SYN1: variants seen among roughly 807,000 people sequenced by gnomAD.
The protein encoded by SYN1 is synapsin-1.
In SYN1, 8 loss-of-function variants were observed where a neutral mutation model predicts 44.6. The ratio of observed to expected loss-of-function variants is 0.18; its 90% CI spans 0.11 to 0.32. The LOEUF is 0.32. Ranked by LOEUF, SYN1 falls within the 10% of genes least tolerant of loss-of-function variation. The pLI is 1.00. For synonymous variants in SYN1, 275 were observed against 280.1 expected, an observed-to-expected ratio of 0.98 and a Z score of 0.18; for missense variants, 451 against 639.4, an observed-to-expected ratio of 0.71 and a Z score of 3.18.
chrX:47,603,906 A>T lies in SYN1; in HGVS notation c.774+1072T>A, dbSNP rs1034567355. 4.6e-3 allele frequency among the ~76,000 whole-genome samples: 437 copies of T among 94,774 alleles called. 2 individuals carry two copies. Among genetic ancestry groups the T allele is most frequent in the Admixed American group, 6.5e-3 (53 of 8,146 alleles). The allele number at this position is 94,774 out of a possible 115,157, so 82.3% of individuals were successfully genotyped here. On this transcript the variant is annotated intron_variant, in intron 5 of 12. Transcript: ENST00000295987. The stretch of plus-strand genomic sequence containing the variant: ...TATTAGTGATTATATATATATATAT[A>T]TTTTTTTTTTTTTTTTTTGAGATGG...
chrX:47,588,980 C>A (rs1287512500), intron 5 of SYN1, among the ~76,000 whole-genome samples: 1 of 111,090 alleles, frequency 9.0e-6, no homozygotes, highest in African/African-American at 3.3e-5. Flanking sequence ...GGTGTCTTTG[C>A]CCCTTGGATA....
chrX:47,599,647 C>T (rs1421181418), intron 5 of SYN1, among the ~76,000 whole-genome samples: 1 of 112,319 alleles, frequency 8.9e-6, no homozygotes, highest in Non-Finnish European at 1.9e-5. Context: ...AGAATGATGT[C>T]TTTTGTTTCC....
chrX:47,607,727 GA>G (rs5902397), intron 1 of SYN1, among the ~76,000 whole-genome samples: 83 of 51,724 alleles, frequency 1.6e-3, no homozygotes, highest in East Asian at 7.8e-3. Flanking sequence ...AAAAAAAATT[GA>G]AAAAAAAAAA....
Position 47,574,485 on chromosome X carries a change from G to T in SYN1, c.1499C>A (p.Ala500Asp). The T allele has an allele frequency of 9.3e-7, 1 of 1,076,013 alleles. No homozygotes were observed. The highest frequency in any genetic ancestry group is 3.1e-4 in the Middle Eastern group (1 of 3,226). 88.7% of individuals were successfully genotyped at this position (1,076,013 alleles called of 1,213,427 possible). The change falls in exon 12 of 13, where the codon GCT becomes GAT. Residue 500 changes from alanine (A) to aspartate (D), a missense_variant. Around this residue, in one of 3 missense-constraint regions of SYN1, gnomAD observed 315 missense variants for 451.4 expected, o/e 0.70. Coordinates refer to ENST00000295987, the MANE Select transcript of SYN1 (RefSeq NM_006950.3). ...QQHLSGLGPP[A>D]GSPLPQRLPS... ...AAGGCGCTGGGGCAGGGGGCTGCCA[G>T]CTGGGGGTCCAAGGCCTGAAAGGTG...
At position 47,574,342 on chromosome X, in the gene SYN1, G is replaced by A; in HGVS notation, c.1642C>T (p.Pro548Ser). The A allele has an allele frequency of 9.5e-7, 1 of 1,047,296 alleles. No individual in the cohort carries two copies. Among genetic ancestry groups the A allele is most frequent in the Non-Finnish European group, 1.2e-6 (1 of 821,133 alleles). The allele number at this position is 1,047,296 out of a possible 1,213,427, so 86.3% of individuals were successfully genotyped here. A position where few individuals can be genotyped will look rare whatever the true frequency, so the allele number is the denominator to read the frequency against. ...CGCTGGGGAGACGGAGAGGCGGGCG[G>A]GCGGGCTGCTGGAGGCGCCCCGGGG... ...GGPGAPPAAR[P>S]PASPSPQRQA... Residue 548 changes from proline to serine, a missense_variant, in exon 12 of 13, where the codon CCG (proline) becomes TCG (serine). Around this residue, in one of 3 missense-constraint regions of SYN1, gnomAD observed 127 missense variants for 154.8 expected, o/e 0.82. Coordinates refer to ENST00000295987, the MANE Select transcript of SYN1 (RefSeq NM_006950.3).
At chrX:47,583,029 C>A (rs2057806050) in intron 5 of SYN1, among the ~76,000 whole-genome samples, 1 of 94,415 alleles carries the variant, frequency 1.1e-5, no homozygotes, top group African/African-American at 4.0e-5. Context: ...ATATACACAA[C>A]CCCTAAACTC....
In SYN1 at chrX:47,574,343, G is replaced by A. The variant is rs2147912222; in HGVS notation, c.1641C>T (p.Arg547=). 1.9e-6 allele frequency: 2 copies of A among 1,043,605 alleles called. No homozygotes were observed. The highest frequency in any genetic ancestry group is 5.5e-5 in the South Asian group (2 of 36,368). The allele number at this position is 1,043,605 out of a possible 1,213,427, so 86.0% of individuals were successfully genotyped here. Residue 547 remains arginine (R), a synonymous_variant, in exon 12 of 13, where the codon CGC becomes CGT. Transcript: ENST00000295987. ...GCTGGGGAGACGGAGAGGCGGGCGG[G>A]CGGGCTGCTGGAGGCGCCCCGGGGC... is the stretch of plus-strand genomic sequence containing the variant. The part of the protein sequence containing the change: ...AGGPGAPPAA[R]PPASPSPQRQ...
rs760071496 is a variant in SYN1 at position 47,579,156 on chromosome X, ACAC to A, written c.775-1658_775-1656del. Among the ~76,000 whole-genome samples, 497 of 111,867 alleles carry A rather than the reference ACAC, an allele frequency of 4.4e-3. 2 individuals carry two copies. Among genetic ancestry groups the A allele is most frequent in the African/African-American group, 0.015 (473 of 30,778 alleles). On this transcript the variant is annotated intron_variant, in intron 5 of 12. Transcript: ENST00000295987. ...ACATGCTCGACTCTTAGCAATGGACACACAACACACCAGAGAGCTGTGCGTACA... is the reference window on the plus strand; with the variant it reads ...ACATGCTCGACTCTTAGCAATGGACAAACACACCAGAGAGCTGTGCGTACA...
At chrX:47,583,308 C>G (rs1222133821) in intron 5 of SYN1, 1 of 655,294 alleles carries the variant, frequency 1.5e-6, no homozygotes, top group East Asian at 3.5e-5. Flanking sequence ...GCCCCCTAAT[C>G]CCCCCCATAG....
At chrX:47,593,109 G>A (rs1452428771) in intron 5 of SYN1, among the ~76,000 whole-genome samples, 1 of 110,622 alleles carries the variant, frequency 9.0e-6, no homozygotes, top group African/African-American at 3.3e-5. Context: ...TGACCAGGCT[G>A]GTCTTGAACT....
intron 12 of SYN1, among the ~76,000 whole-genome samples, chrX:47,573,542 G>A (rs1262880368): frequency 9.0e-6 from 1 of 110,527 alleles, no homozygotes; most frequent in African/African-American, 3.3e-5. Context: ...TGGGCCAGAA[G>A]GATGTGAAGG....
chrX:47,595,974 G>C lies in SYN1; in HGVS notation c.774+9004C>G, dbSNP rs1275076490. On this transcript the variant is annotated intron_variant, in intron 5 of 12. Transcript: ENST00000295987. The stretch of plus-strand genomic sequence containing the variant: ...TTTTTCAAGAAAATGGCTGAATCTT[G>C]GTAACAACAGGAAGCTGTGGCATTT... Among the ~76,000 whole-genome samples the C allele has an allele frequency of 3.6e-5, 4 of 112,370 alleles. No homozygotes were observed. In the Admixed American group the frequency reaches 3.8e-4, roughly 11 times the overall value.
At chrX:47,614,902 C>G (rs1325250100) in intron 1 of SYN1, among the ~76,000 whole-genome samples, 1 of 111,616 alleles carries the variant, frequency 9.0e-6, no homozygotes, top group Non-Finnish European at 1.9e-5. Context: ...GAGGATTGGC[C>G]GAGGCCTCTT....
intron 1 of SYN1, among the ~76,000 whole-genome samples, chrX:47,612,994 G>A (rs1298869114): frequency 1.1e-4 from 12 of 110,734 alleles, no homozygotes; most frequent in Non-Finnish European, 1.7e-4. Context: ...TTAGCCGGGC[G>A]TGGTGGCGCA....
Position 47,583,326 on chromosome X carries a change from C to T in SYN1, c.775-5825G>A, listed in dbSNP as rs780925021. On this transcript the variant is annotated intron_variant, in intron 5 of 12. Coordinates refer to ENST00000295987, the MANE Select transcript of SYN1 (RefSeq NM_006950.3). Reference sequence around the variant, plus strand: ...CCCTAATCCCCCCCATAGGCTGCCCCGGGGCAAGATGGGGTGGATGACCTG... The same window carrying T: ...CCCTAATCCCCCCCATAGGCTGCCCTGGGGCAAGATGGGGTGGATGACCTG... The T allele has an allele frequency of 5.0e-5, 49 of 971,280 alleles. No homozygotes were observed. The East Asian group carries it at 9.1e-4, about 18-fold the overall frequency. The allele number at this position is 971,280 out of a possible 1,213,427, so 80.0% of individuals were successfully genotyped here.
At chrX:47,598,698 G>A (rs935352956) in intron 5 of SYN1, among the ~76,000 whole-genome samples, 22 of 111,624 alleles carry the variant, frequency 2.0e-4, no homozygotes, top group Non-Finnish European at 4.1e-4. Flanking sequence ...GTGGTGGCAG[G>A]CACCTGTAGT....
At chrX:47,613,615 C>T (rs5953069) in intron 1 of SYN1, among the ~76,000 whole-genome samples, 2,083 of 111,693 alleles carry the variant, frequency 0.019, 52 homozygotes, top group African/African-American at 0.065. Context: ...TCCACCAGCA[C>T]GAGACCCTGC....
intron 5 of SYN1, chrX:47,585,172 G>A: frequency 8.5e-7 from 1 of 1,169,805 alleles, no homozygotes; most frequent in Non-Finnish European, 1.1e-6. Context: ...GATTATGTCA[G>A]TAAAAGAGAC....
At chrX:47,584,254 TC>T (rs2057812851) in intron 5 of SYN1, among the ~76,000 whole-genome samples, 1 of 109,603 alleles carries the variant, frequency 9.1e-6, no homozygotes, top group Non-Finnish European at 1.9e-5. Context: ...TTGAGGATGA[TC>T]AGGTATTGAG....
Sources: gnomAD v4.1 joint callset for allele counts (sites outside exome capture counted in the v4.1 genomes callset) on GRCh38, gnomAD v4.1.1 for gene constraint, gnomAD v4.1.1 regional missense constraint, MANE v1.5 for transcripts, NCBI Gene and HGNC (gene_info 2026-07-23, HGNC 2026-07-21) for gene names.